Variants in SLC43A1 observed in about 807,000 individuals in gnomAD.
SLC43A1 encodes large neutral amino acids transporter small subunit 3.
In SLC43A1, 31 loss-of-function variants were observed where a neutral mutation model predicts 59.5. The observed-to-expected ratio is 0.52, with a 90% CI of 0.39 to 0.70. The LOEUF (loss-of-function observed/expected upper bound fraction) is 0.70, where lower values mean the gene tolerates loss of function less well. Ranked by LOEUF, SLC43A1 falls within the 30% of genes least tolerant of loss-of-function variation. The pLI is 0.00. For missense variants in SLC43A1, 598 were observed against 717.8 expected (o/e 0.83, Z 1.91); for synonymous variants, 259 against 290.9 (o/e 0.89, Z 1.12).
intron 8 of SLC43A1, among the ~76,000 whole-genome samples, chr11:57,492,483 A>AAATAATATAATATATAATATAATATAT (rs1469897758): frequency 2.2e-5 from 3 of 134,690 alleles, no homozygotes; most frequent in Non-Finnish European, 4.6e-5. Context: ...TATATATAAA[A>AAATAATATAATATATAATATAATATAT]AATAATATAA....
intron 12 of SLC43A1, 54 bp downstream of exon 12, chr11:57,489,197 T>C (rs1943829334): frequency 1.0e-5 from 16 of 1,605,980 alleles, no homozygotes; most frequent in South Asian, 8.8e-5. Context: ...GGATGGACCA[T>C]CCCTTTGGAG....
Position 57,514,090 on chromosome 11 carries a change from C to A in SLC43A1, c.22G>T (p.Ala8Ser). Reference protein sequence around the residue: MAPTLQQAYRRRWWMACT... With the variant: MAPTLQQSYRRRWWMACT... The stretch of plus-strand genomic sequence containing the variant: ...GCCATCCACCAGCGCCTCCGGTACG[C>A]CTGTTGCAGCGTGGGGGCCATGCTG... The change falls in exon 2 of 15, where the codon GCG (alanine) becomes TCG (serine). Residue 8 changes from alanine (A) to serine (S), a missense_variant. Ala to Ser is a moderately conservative substitution (Grantham distance 99). Coordinates refer to ENST00000278426, the MANE Select transcript of SLC43A1 (RefSeq NM_003627.6). The surrounding 1 kb of genome is among the most constrained non-coding windows in gnomAD (Gnocchi z 5.5). 1 of 1,598,618 alleles carries A rather than the reference C, an allele frequency of 6.3e-7. No individual in the cohort carries two copies. The highest frequency in any genetic ancestry group is 8.5e-7 in the Non-Finnish European group (1 of 1,173,054).
chr11:57,491,523 TC>T lies in SLC43A1; in HGVS notation c.1054+67del. ...CTGGGTGGGCCCAGGCCTAGAGGAG[TC>T]CCGCCCCCTGAGAAGCGGGTTGCAG... On this transcript the variant is annotated intron_variant, in intron 10 of 14. Transcript: ENST00000278426. 3 of 1,602,106 alleles carry T rather than the reference TC, an allele frequency of 1.9e-6. No individual in the cohort carries two copies. In the South Asian group the frequency reaches 3.3e-5, roughly 18 times the overall value.
Position 57,491,876 on chromosome 11 carries a change from A to AG in SLC43A1, c.872-15dup, listed in dbSNP as rs1216837489. ...AGGGGACAGACCCTGGGGAGACAGC[A>AG]GGGGGCGCCCCTGAGCCCCAGACCT... On this transcript the variant is annotated splice_polypyrimidine_tract_variant and intron_variant, in intron 8 of 14. Transcript: ENST00000278426. The AG allele has an allele frequency of 1.9e-6, 3 of 1,612,928 alleles. No individual in the cohort carries two copies. Among genetic ancestry groups the AG allele is most frequent in the Non-Finnish European group, 2.5e-6 (3 of 1,179,646 alleles).
intron 8 of SLC43A1, among the ~76,000 whole-genome samples, chr11:57,492,435 A>T (rs1041352411): frequency 6.6e-5 from 9 of 137,262 alleles, no homozygotes; most frequent in Non-Finnish European, 1.2e-4. Flanking sequence ...TAAAAAATAT[A>T]TATATATATA....
rs185821002 is a variant in SLC43A1 at position 57,484,775 on chromosome 11, C to T, written c.*321G>A. 1 of 227,300 alleles carries T rather than the reference C, an allele frequency of 4.4e-6. No homozygotes were observed. The highest frequency in any genetic ancestry group is 8.7e-6 in the Non-Finnish European group (1 of 114,368). The allele number at this position is 227,300 out of a possible 1,614,324, so 14.1% of individuals were successfully genotyped here. ...CCTCAGGGGTAGCCTGTTTGCCGAT[C>T]CCCCCAAGAGGTACCAGGAGGCAGA... On this transcript the variant is annotated 3_prime_UTR_variant, in exon 15 of 15. Coordinates refer to ENST00000278426, the MANE Select transcript of SLC43A1 (RefSeq NM_003627.6).
chr11:57,504,787 A>G (rs1389464398), intron 2 of SLC43A1, among the ~76,000 whole-genome samples: 1 of 152,244 alleles, frequency 6.6e-6, no homozygotes, highest in Non-Finnish European at 1.5e-5. Flanking sequence ...CTAACGGAGA[A>G]TCCATTCCCG....
chr11:57,504,180 G>A (rs926120160), intron 2 of SLC43A1, among the ~76,000 whole-genome samples: 2 of 152,186 alleles, frequency 1.3e-5, no homozygotes, highest in East Asian at 3.9e-4. Flanking sequence ...CTGGGTGACA[G>A]AGCAAGACTC....
intron 14 of SLC43A1, among the ~76,000 whole-genome samples, chr11:57,486,529 G>T (rs1943731102): frequency 6.6e-6 from 1 of 150,692 alleles, no homozygotes; most frequent in Non-Finnish European, 1.5e-5. Context: ...GCCGGGCGCG[G>T]TGGCTAAGGC....
intron 13 of SLC43A1, 46 bp downstream of exon 13, chr11:57,488,870 T>C (rs1384004100): frequency 3.9e-6 from 6 of 1,530,218 alleles, no homozygotes; most frequent in Non-Finnish European, 5.4e-6. Flanking sequence ...GGTTCTCTGA[T>C]CACGGTTGCA....
rs1428375007 is a variant in SLC43A1, at chr11:57,513,960, G to A, written c.152C>T (p.Pro51Leu). 2 of 1,433,738 alleles carry A rather than the reference G, an allele frequency of 1.4e-6. No homozygotes were observed. Among genetic ancestry groups the A allele is most frequent in the Non-Finnish European group, 1.9e-6 (2 of 1,045,774 alleles). The allele number at this position is 1,433,738 out of a possible 1,614,324, so 88.8% of individuals were successfully genotyped here. ...ACCCAGCCCATTTTCAGGCATACCTGGGCACGTGCTGGAATAGAAGCCCTC... is the reference window on the plus strand; with the variant it reads ...ACCCAGCCCATTTTCAGGCATACCTAGGCACGTGCTGGAATAGAAGCCCTC... ...KNEGFYSSTC[P>L]AESSTNTTQD... is the part of the protein sequence containing the mutation. The change falls in exon 2 of 15, where the codon CCA becomes CTA. Residue 51 changes from proline to leucine, a missense_variant and splice_region_variant. Physicochemically the swap from Pro to Leu is moderately conservative, Grantham distance 98 (BLOSUM62 -3). Transcript: ENST00000278426.
chr11:57,509,385 C>G (rs1215376685), intron 2 of SLC43A1, among the ~76,000 whole-genome samples: 1 of 151,886 alleles, frequency 6.6e-6, no homozygotes, highest in Non-Finnish European at 1.5e-5. Flanking sequence ...GTCAGGAGAT[C>G]GAAACCATCC....
In SLC43A1 at chr11:57,491,590, C is replaced by T; in HGVS notation, c.1054+1G>A. On this transcript the variant is annotated splice_donor_variant, in intron 10 of 14. Transcript: ENST00000278426. LOFTEE classifies it high-confidence loss of function. ...CCAGGGCCCTGCTTTCATAGCCCTA[C>T]CTGTCTCTGCCACCTTTTGTTGCTG... The T allele has an allele frequency of 1.9e-6, 3 of 1,614,152 alleles. No homozygotes were observed. The highest frequency in any genetic ancestry group is 2.5e-6 in the Non-Finnish European group (3 of 1,180,018).
chr11:57,499,229 C>G (rs1292672718), intron 5 of SLC43A1, among the ~76,000 whole-genome samples: 2 of 151,174 alleles, frequency 1.3e-5, no homozygotes, highest in Non-Finnish European at 2.9e-5. Context: ...GAGGCTGAGG[C>G]AGGAGAATTG....
intron 11 of SLC43A1, among the ~76,000 whole-genome samples, chr11:57,490,962 G>A (rs375855570): frequency 6.6e-6 from 1 of 152,260 alleles, no homozygotes; most frequent in Admixed American, 6.5e-5. Context: ...AGATATTAAC[G>A]CATCTACCTC....
In SLC43A1 at chr11:57,491,974, G is replaced by A. The variant is rs1055313688; in HGVS notation, c.872-112C>T. The A allele has an allele frequency of 1.2e-5, 12 of 1,039,916 alleles. No homozygotes were observed. In the African/African-American group the frequency reaches 1.3e-4, roughly 11 times the overall value. The allele number at this position is 1,039,916 out of a possible 1,614,324, so 64.4% of individuals were successfully genotyped here. On this transcript the variant is annotated intron_variant, in intron 8 of 14. Transcript: ENST00000278426. ...GACACTAACTATGTGACTTTGGAGAGAGACTGGTTTCTTCAAAGACGGGAA... is the reference window on the plus strand; with the variant it reads ...GACACTAACTATGTGACTTTGGAGAAAGACTGGTTTCTTCAAAGACGGGAA...
intron 12 of SLC43A1, 112 bp from the exon 13 acceptor site, chr11:57,489,101 C>T (rs1289693747): frequency 7.0e-7 from 1 of 1,430,072 alleles, no homozygotes; most frequent in Non-Finnish European, 9.8e-7. Flanking sequence ...CTCGCCAACC[C>T]AATCTACTAG....
intron 2 of SLC43A1, among the ~76,000 whole-genome samples, chr11:57,510,322 G>A (rs189211458): frequency 2.9e-4 from 44 of 152,028 alleles, no homozygotes; most frequent in African/African-American, 9.9e-4. Flanking sequence ...GCCGGGCGTG[G>A]TGGTGGACGC....
At chr11:57,503,587 T>C (rs866552571) in intron 2 of SLC43A1, among the ~76,000 whole-genome samples, 4 of 152,154 alleles carry the variant, frequency 2.6e-5, no homozygotes, top group Non-Finnish European at 5.9e-5. Context: ...CCTCCCAAAG[T>C]GCTGAGATTA....
Sources: gnomAD v4.1 joint callset for allele counts (sites outside exome capture counted in the v4.1 genomes callset) on GRCh38, gnomAD v4.1.1 for gene constraint, Gnocchi (gnomAD v3.1) non-coding constraint, MANE v1.5 for transcripts, NCBI Gene and HGNC (gene_info 2026-07-23, HGNC 2026-07-21) for gene names.